The following UBTD2 variants were observed in gnomAD, a reference collection of about 807,000 sequenced individuals.
UBTD2 encodes the protein ubiquitin domain-containing protein 2.
In UBTD2, 9 loss-of-function variants were observed where a neutral mutation model predicts 19.8. The observed-to-expected ratio is 0.46, with a 90% CI of 0.27 to 0.79. The LOEUF is 0.79. Ranked by LOEUF, UBTD2 falls within the 30% of genes least tolerant of loss-of-function variation. UBTD2 has a pLI of 0.14. For missense variants in UBTD2, 250 were observed against 300.4 expected (o/e 0.83, Z 1.24); for synonymous variants, 98 against 103.9 (o/e 0.94, Z 0.35).
chr5:172,231,781 C>A (rs976225807), intron 2 of UBTD2, among the ~76,000 whole-genome samples: 1 of 152,080 alleles, frequency 6.6e-6, no homozygotes, highest in East Asian at 1.9e-4. Context: ...AGGATATGGA[C>A]ATCAAAAAGA....
chr5:172,226,959 T>C (rs1771778375), intron 2 of UBTD2, among the ~76,000 whole-genome samples: 1 of 152,172 alleles, frequency 6.6e-6, no homozygotes. Flanking sequence ...AGGCAAATCA[T>C]GATTAAGAGC....
At chr5:172,249,373 T>C (rs1252055034) in intron 1 of UBTD2, among the ~76,000 whole-genome samples, 2 of 120,286 alleles carry the variant, frequency 1.7e-5, no homozygotes, top group Non-Finnish European at 3.2e-5. Context: ...CACTCCAGCC[T>C]AGGTGACAGA....
Position 172,283,640 on chromosome 5 carries a change from T to G in UBTD2, c.26A>C (p.His9Pro). 7.8e-7 allele frequency: 1 copy of G among 1,276,446 alleles called. No homozygotes were observed. Among genetic ancestry groups the G allele is most frequent in the Non-Finnish European group, 1.0e-6 (1 of 1,003,510 alleles). 79.1% of individuals were successfully genotyped at this position (1,276,446 alleles called of 1,614,324 possible). MGGCVGAQ[H>P]DSSGSLNENS... ...CTCGTTGAGGCTGCCCGAGGAGTCG[T>G]GCTGGGCGCCCACACACCCGCCCAT... The change falls in exon 1 of 3, where the codon CAC becomes CCC. Residue 9 changes from histidine (H) to proline (P), a missense_variant. Coordinates refer to ENST00000393792, the MANE Select transcript of UBTD2 (RefSeq NM_152277.3). This position sits in a 1 kb window ranked among gnomAD's most constrained non-coding sequence, Gnocchi z 4.3.
In UBTD2 at chr5:172,247,540, A is replaced by G. The variant is rs540686405; in HGVS notation, c.71-13182T>C. Among the ~76,000 whole-genome samples, 146 of 152,312 alleles carry G rather than the reference A, an allele frequency of 9.6e-4. 1 individual carries two copies. The highest frequency in any genetic ancestry group is 1.3e-3 in the Non-Finnish European group (88 of 68,024). On this transcript the variant is annotated intron_variant, in intron 1 of 2. Coordinates refer to ENST00000393792, the MANE Select transcript of UBTD2 (RefSeq NM_152277.3). ...AAAAACAACCACCACCACCAAAAAC[A>G]AGAGGACTACAGTGGCTATATTTGT...
intron 1 of UBTD2, among the ~76,000 whole-genome samples, chr5:172,250,189 C>G (rs1754969626): frequency 6.6e-6 from 1 of 152,118 alleles, no homozygotes; most frequent in South Asian, 2.1e-4. Flanking sequence ...CACCACTGCA[C>G]TCCATGCAAC....
intron 1 of UBTD2, among the ~76,000 whole-genome samples, chr5:172,239,240 C>T (rs1371465294): frequency 6.6e-6 from 1 of 152,148 alleles, no homozygotes; most frequent in Non-Finnish European, 1.5e-5. Context: ...TAAGATGTAA[C>T]AAGGATGGCT....
At chr5:172,279,426 G>C (rs1057016313) in intron 1 of UBTD2, among the ~76,000 whole-genome samples, 1 of 152,154 alleles carries the variant, frequency 6.6e-6, no homozygotes, top group Non-Finnish European at 1.5e-5. Context: ...GTGTCTGTAA[G>C]GCTGCTATAA....
intron 1 of UBTD2, among the ~76,000 whole-genome samples, chr5:172,265,131 A>C (rs1223521930): frequency 6.6e-6 from 1 of 152,234 alleles, no homozygotes; most frequent in African/African-American, 2.4e-5. Flanking sequence ...TAAGGATGAC[A>C]GAATAAAATA....
intron 1 of UBTD2, among the ~76,000 whole-genome samples, chr5:172,259,687 T>G (rs1755228642): frequency 6.6e-6 from 1 of 152,062 alleles, no homozygotes. Flanking sequence ...AGTGATCTTT[T>G]AAGTGTTCCA....
chr5:172,269,155 C>A (rs1442786819), intron 1 of UBTD2, among the ~76,000 whole-genome samples: 1 of 152,090 alleles, frequency 6.6e-6, no homozygotes, highest in Non-Finnish European at 1.5e-5. Context: ...GGTTTCTGTA[C>A]TAGAGTCTTC....
intron 1 of UBTD2, among the ~76,000 whole-genome samples, chr5:172,255,759 G>C (rs887590664): frequency 7.9e-5 from 12 of 152,160 alleles, no homozygotes; most frequent in Non-Finnish European, 1.6e-4. Context: ...GGGACCCAGG[G>C]TGGGAGGGTC....
At chr5:172,233,006 T>G (rs1274131269) in intron 2 of UBTD2, among the ~76,000 whole-genome samples, 1 of 151,826 alleles carries the variant, frequency 6.6e-6, no homozygotes, top group East Asian at 1.9e-4. Context: ...CCAGGCATGG[T>G]GGGGAAGCTG....
chr5:172,218,890 G>A (rs1289680247), intron 2 of UBTD2, among the ~76,000 whole-genome samples: 1 of 150,656 alleles, frequency 6.6e-6, no homozygotes, highest in African/African-American at 2.4e-5. Flanking sequence ...AATAAAATTG[G>A]TAAGCCTCTA....
chr5:172,283,486 G>T lies in UBTD2; in HGVS notation c.70+110C>A. 2 of 819,260 alleles carry T rather than the reference G, an allele frequency of 2.4e-6. No homozygotes were observed. Among genetic ancestry groups the T allele is most frequent in the Non-Finnish European group, 3.2e-6 (2 of 616,256 alleles). The allele number at this position is 819,260 out of a possible 1,614,324, so 50.7% of individuals were successfully genotyped here. ...AGCGCGGGGAATGACGTGGAAGAGG[G>T]GATGACAAAGGGGCGCGGGGGCCCG... is the stretch of plus-strand genomic sequence containing the variant. On this transcript the variant is annotated intron_variant, in intron 1 of 2. Coordinates refer to ENST00000393792, the MANE Select transcript of UBTD2 (RefSeq NM_152277.3). The surrounding 1 kb of genome is among the most constrained non-coding windows in gnomAD (Gnocchi z 4.3).
chr5:172,263,842 C>T (rs1396673671), intron 1 of UBTD2, among the ~76,000 whole-genome samples: 1 of 50,302 alleles, frequency 2.0e-5, no homozygotes, highest in East Asian at 7.3e-4. Flanking sequence ...AGATACAATG[C>T]ACGTGCCTCT....
intron 1 of UBTD2, among the ~76,000 whole-genome samples, chr5:172,250,789 C>A (rs184891310): frequency 8.6e-4 from 131 of 151,726 alleles, no homozygotes; most frequent in Admixed American, 4.1e-3. Flanking sequence ...AAAAATTAGC[C>A]AGGCATGGTG....
At chr5:172,274,135 C>CTTTTT (rs555392614) in intron 1 of UBTD2, among the ~76,000 whole-genome samples, 37 of 108,636 alleles carry the variant, frequency 3.4e-4, no homozygotes, top group Non-Finnish European at 5.4e-4. Flanking sequence ...TTTTGCTTTA[C>CTTTTT]TTTTTTTTTT....
chr5:172,231,615 T>C (rs1050319585), intron 2 of UBTD2, among the ~76,000 whole-genome samples: 6 of 152,204 alleles, frequency 3.9e-5, no homozygotes, highest in African/African-American at 9.6e-5. Context: ...AAGGCTACAA[T>C]ATACAGAATG....
chr5:172,267,268 G>A (rs1297587851), intron 1 of UBTD2, among the ~76,000 whole-genome samples: 2 of 152,102 alleles, frequency 1.3e-5, no homozygotes, highest in Non-Finnish European at 1.5e-5. Context: ...GTTAGCTTAC[G>A]CCACCAGGTC....
Sources: gnomAD v4.1 joint callset for allele counts (sites outside exome capture counted in the v4.1 genomes callset) on GRCh38, gnomAD v4.1.1 for gene constraint, Gnocchi (gnomAD v3.1) non-coding constraint, MANE v1.5 for transcripts, NCBI Gene and HGNC (gene_info 2026-07-23, HGNC 2026-07-21) for gene names.